The following SGCD variants were observed in gnomAD, a reference collection of about 807,000 sequenced individuals.
SGCD encodes the protein sarcoglycan delta.
SGCD carries 18 observed loss-of-function variants against 36.6 expected under a neutral mutation model. The observed-to-expected ratio is 0.49, with a 90% CI of 0.34 to 0.73. The LOEUF (loss-of-function observed/expected upper bound fraction) is 0.73, where lower values mean the gene tolerates loss of function less well. Ranked by LOEUF, SGCD falls within the 30% of genes least tolerant of loss-of-function variation. The probability of loss-of-function intolerance (pLI) is 0.01; values close to 1 mark genes in which losing one functional copy is unlikely to be tolerated. For synonymous variants in SGCD, 133 were observed against 130.6 expected, an observed-to-expected ratio of 1.02 and a Z score of -0.12; for missense variants, 387 against 346.7, an observed-to-expected ratio of 1.12 and a Z score of -0.92.
rs1161356163 is a variant in SGCD at position 156,355,889 on chromosome 5, G to A, written c.192+11212G>A. 4.6e-5 allele frequency among the ~76,000 whole-genome samples: 7 copies of A among 152,248 alleles called. No homozygotes were observed. The South Asian group carries it at 6.2e-4, about 14-fold the overall frequency. On this transcript the variant is annotated intron_variant, in intron 3 of 8. Transcript: ENST00000337851. The stretch of plus-strand genomic sequence containing the variant: ...TGAACTCAAGTGATTTGCCTGCCTC[G>A]GCCTCACATAATTTCTGTGTGTGAT...
chr5:156,725,415 T>A (rs1190664454), intron 7 of SGCD, among the ~76,000 whole-genome samples: 1 of 152,222 alleles, frequency 6.6e-6, no homozygotes, highest in Non-Finnish European at 1.5e-5. Context: ...TAGCCCTGGA[T>A]GAACTGGTTA....
At chr5:155,928,061 T>C (rs1313625718) in intron 1 of SGCD, among the ~76,000 whole-genome samples, 5 of 152,210 alleles carry the variant, frequency 3.3e-5, no homozygotes, top group Admixed American at 6.5e-5. Flanking sequence ...ATTTGTAAAA[T>C]AGGCATTAGA....
chr5:155,938,135 G>A (rs929116269), intron 1 of SGCD, among the ~76,000 whole-genome samples: 3 of 152,168 alleles, frequency 2.0e-5, no homozygotes, highest in African/African-American at 7.2e-5. Context: ...TGGCCCAGGG[G>A]GTGCTTTCTA....
In SGCD at chr5:156,579,172, C is replaced by A. The variant is rs192824676; in HGVS notation, c.295-10059C>A. ...TTCTGCCTTCATTTCGTGATGTACC[C>A]AGTAGTCATTCAGGAGCAGGTTGTT... On this transcript the variant is annotated intron_variant, in intron 4 of 8. Transcript: ENST00000337851. Among the ~76,000 whole-genome samples, 964 of 152,254 alleles carry A rather than the reference C, an allele frequency of 6.3e-3. 6 individuals are homozygous for A. The highest frequency in any genetic ancestry group is 0.01 in the Non-Finnish European group (707 of 68,024).
At position 156,656,701 on chromosome 5, in the gene SGCD, A is replaced by G. The variant is rs147648992; in HGVS notation, c.575+9165A>G. On this transcript the variant is annotated intron_variant, in intron 7 of 8. Transcript: ENST00000337851. ...TGTTACAAATTTTAAAAATCAGTGC[A>G]CTACTTAATTTAGAACTAAAAATTT... 1.8e-3 allele frequency among the ~76,000 whole-genome samples: 275 copies of G among 152,322 alleles called. 1 individual carries two copies. The highest frequency in any genetic ancestry group is 6.2e-3 in the African/African-American group (258 of 41,572).
chr5:156,611,765 TA>T (rs1561814366), intron 6 of SGCD, among the ~76,000 whole-genome samples: 1 of 152,254 alleles, frequency 6.6e-6, no homozygotes, highest in Non-Finnish European at 1.5e-5. Context: ...TGGCTATCTT[TA>T]TTCATGCTTA....
intron 3 of SGCD, among the ~76,000 whole-genome samples, chr5:156,493,815 T>G (rs1315683360): frequency 2.0e-5 from 3 of 152,136 alleles, no homozygotes; most frequent in Non-Finnish European, 4.4e-5. Flanking sequence ...TTCAGTAGGT[T>G]GTAATATTGA....
At chr5:156,720,447 G>A (rs933967699) in intron 7 of SGCD, among the ~76,000 whole-genome samples, 3 of 152,202 alleles carry the variant, frequency 2.0e-5, no homozygotes, top group African/African-American at 7.2e-5. Context: ...AGGTCCTGAG[G>A]ATGTATCATG....
intron 3 of SGCD, among the ~76,000 whole-genome samples, chr5:156,462,271 A>T (rs1754519162): frequency 6.6e-6 from 1 of 152,214 alleles, no homozygotes; most frequent in Non-Finnish European, 1.5e-5. Context: ...TTGAAGGAAC[A>T]ATGATTTAAA....
the SGCD span, among the ~76,000 whole-genome samples, chr5:155,728,739 GCCGCCAACTTCCCTGTGAGCCCCTCTCC>G: frequency 6.6e-6 from 1 of 152,062 alleles, no homozygotes; most frequent in Non-Finnish European, 1.5e-5. Flanking sequence ...CGCCCCCAGA[GCCGCCAACTTCCCTGTGAGCCCCTCTCC>G]CCGCCGCAGC....
chr5:156,566,231 G>A (rs975989062), intron 4 of SGCD, among the ~76,000 whole-genome samples: 4 of 152,074 alleles, frequency 2.6e-5, no homozygotes, highest in African/African-American at 9.7e-5. Flanking sequence ...TTACACTGTT[G>A]GTGAGAGTGT....
At chr5:156,611,911 A>C (rs1391849524) in intron 6 of SGCD, among the ~76,000 whole-genome samples, 1 of 152,174 alleles carries the variant, frequency 6.6e-6, no homozygotes, top group East Asian at 1.9e-4. Flanking sequence ...GAATTTTTCA[A>C]CTCCAAGATT....
intron 4 of SGCD, among the ~76,000 whole-genome samples, chr5:156,531,756 G>A (rs972464051): frequency 2.0e-5 from 3 of 152,022 alleles, no homozygotes; most frequent in Non-Finnish European, 1.5e-5. Flanking sequence ...TAAATCTAAT[G>A]TCCAGGAGAA....
At chr5:156,586,144 C>T (rs867970733) in intron 4 of SGCD, among the ~76,000 whole-genome samples, 1 of 151,924 alleles carries the variant, frequency 6.6e-6, no homozygotes, top group Non-Finnish European at 1.5e-5. Flanking sequence ...TCTCATATCT[C>T]CCTACGCTCT....
At chr5:155,851,680 T>C in the SGCD span, among the ~76,000 whole-genome samples, 1 of 152,192 alleles carries the variant, frequency 6.6e-6, no homozygotes, top group Non-Finnish European at 1.5e-5. Context: ...AAGGCCCTTC[T>C]CCACTTTTTC....
chr5:156,468,524 G>C (rs1011357794), intron 3 of SGCD, among the ~76,000 whole-genome samples: 1 of 152,080 alleles, frequency 6.6e-6, no homozygotes, highest in Non-Finnish European at 1.5e-5. Context: ...CAACAGAGAA[G>C]GGACAACCTA....
chr5:155,748,098 T>C, the SGCD span, among the ~76,000 whole-genome samples: 1 of 152,076 alleles, frequency 6.6e-6, no homozygotes, highest in Non-Finnish European at 1.5e-5. Flanking sequence ...TGCTGACCTT[T>C]GTTTTTTTCT....
At chr5:155,856,790 A>C in the SGCD span, among the ~76,000 whole-genome samples, 1 of 152,228 alleles carries the variant, frequency 6.6e-6, no homozygotes, top group Non-Finnish European at 1.5e-5. Flanking sequence ...GAAAACTACA[A>C]TGAGATACCA....
At chr5:156,362,699 C>T (rs184415714) in intron 3 of SGCD, among the ~76,000 whole-genome samples, 47 of 152,204 alleles carry the variant, frequency 3.1e-4, no homozygotes, top group Admixed American at 5.9e-4. Context: ...CTGTGAACCT[C>T]GTGGCTAGTC....
Sources: allele counts gnomAD v4.1 joint callset (sites outside exome capture counted in the v4.1 genomes callset), GRCh38; gene constraint gnomAD v4.1.1; transcripts MANE v1.5; gene names NCBI Gene and HGNC (gene_info 2026-07-23, HGNC 2026-07-21).